Variants in PMS1 observed in about 807,000 individuals in gnomAD.
PMS1 encodes PMS1 homolog 1, mismatch repair system component.
Under a neutral mutation model 93.1 loss-of-function variants are expected in PMS1, and 79 were observed. The observed-to-expected ratio is 0.85, with a 90% CI of 0.71 to 1.02. The LOEUF is 1.02. Among genes scored for constraint, PMS1 ranks in the 50% least tolerant of loss-of-function variants. The pLI is 0.00. For synonymous variants in PMS1, 335 were observed against 363.4 expected (o/e 0.92, Z 0.89); for missense variants, 1,064 against 1,085.3 (o/e 0.98, Z 0.28).
intron 1 of PMS1, among the ~76,000 whole-genome samples, chr2:189,790,605 T>G (rs762629655): frequency 1.3e-5 from 2 of 152,192 alleles, no homozygotes; most frequent in African/African-American, 4.8e-5. Context: ...TAATAATAAG[T>G]ATAATGTTTT....
At chr2:189,798,501 C>T (rs141288212) in intron 3 of PMS1, among the ~76,000 whole-genome samples, 11 of 152,296 alleles carry the variant, frequency 7.2e-5, no homozygotes, top group Admixed American at 1.3e-4. Context: ...CCTCAGCACT[C>T]GCTTTATTTG....
chr2:189,796,203 A>G (rs1011064277), intron 3 of PMS1, among the ~76,000 whole-genome samples: 3 of 152,122 alleles, frequency 2.0e-5, no homozygotes, highest in African/African-American at 7.2e-5. Flanking sequence ...TACTAAAAAT[A>G]CAAAATTAGC....
chr2:189,819,106 A>G (rs915021412), intron 5 of PMS1, among the ~76,000 whole-genome samples: 3 of 152,182 alleles, frequency 2.0e-5, no homozygotes, highest in Non-Finnish European at 2.9e-5. Context: ...ATGTCCATAC[A>G]TGTGGTTTAG....
intron 9 of PMS1, among the ~76,000 whole-genome samples, chr2:189,856,093 C>T (rs1196795882): frequency 1.3e-5 from 2 of 151,270 alleles, no homozygotes; most frequent in African/African-American, 2.4e-5. Context: ...TGATAAAGAC[C>T]ACTATTAACA....
At chr2:189,796,378 A>G (rs1043472176) in intron 3 of PMS1, among the ~76,000 whole-genome samples, 3 of 152,192 alleles carry the variant, frequency 2.0e-5, no homozygotes, top group Admixed American at 6.5e-5. Context: ...ATATATATAC[A>G]TAACATAAAA....
chr2:189,813,172 T>G lies in PMS1; in HGVS notation c.419-4845T>G, dbSNP rs561249727. ...ATAGACCTATAAGACTTATGCAATA[T>G]TGCAGTAAGAAGTAGAGGGAAGAAT... On this transcript the variant is annotated intron_variant, in intron 4 of 12. Transcript: ENST00000441310. Among the ~76,000 whole-genome samples the G allele has an allele frequency of 2.0e-5, 3 of 152,300 alleles. No individual in the cohort carries two copies. In the East Asian group the frequency reaches 5.8e-4, roughly 29 times the overall value.
intron 6 of PMS1, among the ~76,000 whole-genome samples, chr2:189,850,966 ATTTTTGTTATGC>A (rs2054646879): frequency 6.6e-6 from 1 of 152,132 alleles, no homozygotes; most frequent in Non-Finnish European, 1.5e-5. Context: ...TTTGCCTTCA[ATTTTTGTTATGC>A]TTTTTAGGAA....
At chr2:189,822,110 G>T (rs1262432234) in intron 5 of PMS1, among the ~76,000 whole-genome samples, 1 of 152,212 alleles carries the variant, frequency 6.6e-6, no homozygotes, top group African/African-American at 2.4e-5. Flanking sequence ...CAGAGGCAGG[G>T]TGGAGGCGTT....
At chr2:189,806,449 C>T in intron 4 of PMS1, 1 of 313,872 alleles carries the variant, frequency 3.2e-6, no homozygotes, top group Non-Finnish European at 6.2e-6. Context: ...ACAGGCTGGA[C>T]TGCAGTGGCA....
chr2:189,852,809 A>C, intron 7 of PMS1, 32 bp downstream of exon 7: 3 of 1,423,518 alleles, frequency 2.1e-6, no homozygotes, highest in Non-Finnish European at 2.0e-6. Flanking sequence ...AAATTATTTG[A>C]ATTGGAAATT....
chr2:189,802,181 C>T (rs540663867), intron 3 of PMS1, among the ~76,000 whole-genome samples: 2 of 152,252 alleles, frequency 1.3e-5, no homozygotes, highest in African/African-American at 4.8e-5. Context: ...GCAGTTGACC[C>T]TTGAACATCA....
intron 9 of PMS1, among the ~76,000 whole-genome samples, chr2:189,856,321 CTTTG>C (rs1054513746): frequency 2.6e-5 from 4 of 151,884 alleles, no homozygotes; most frequent in Admixed American, 6.6e-5. Flanking sequence ...CTTTCTTTCC[CTTTG>C]TTTATTATTC....
chr2:189,827,370 TAA>T (rs1278671745), intron 5 of PMS1, among the ~76,000 whole-genome samples: 1 of 152,256 alleles, frequency 6.6e-6, no homozygotes, highest in Non-Finnish European at 1.5e-5. Flanking sequence ...ACATGATCTC[TAA>T]GGCCCTTTTT....
intron 3 of PMS1, among the ~76,000 whole-genome samples, chr2:189,797,020 C>T (rs1176537099): frequency 6.6e-6 from 1 of 152,112 alleles, no homozygotes; most frequent in African/African-American, 2.4e-5. Flanking sequence ...CTTCTCAGAG[C>T]CTTTACTATA....
rs573867813 is a variant in PMS1, at chr2:189,866,850, C to G, written c.2343-949C>G. Among the ~76,000 whole-genome samples, 13 of 152,286 alleles carry G rather than the reference C, an allele frequency of 8.5e-5. No individual in the cohort carries two copies. The South Asian group carries it at 2.1e-3, about 24-fold the overall frequency. On this transcript the variant is annotated intron_variant, in intron 10 of 12. Coordinates refer to ENST00000441310, the MANE Select transcript of PMS1 (RefSeq NM_000534.5). ...CAATCTAGACAGTTTAACTGTGGAG[C>G]CTGCACCATTAATTGCTATACAGTA...
At chr2:189,865,254 C>T (rs1361803209) in intron 10 of PMS1, among the ~76,000 whole-genome samples, 2 of 151,802 alleles carry the variant, frequency 1.3e-5, no homozygotes, top group Non-Finnish European at 2.9e-5. Context: ...ATTTGGTTAT[C>T]TTGTTTATAT....
intron 4 of PMS1, among the ~76,000 whole-genome samples, chr2:189,814,959 C>T (rs888518194): frequency 1.3e-5 from 2 of 151,986 alleles, no homozygotes; most frequent in African/African-American, 4.8e-5. Flanking sequence ...ATTAGCCAGG[C>T]GGGCTGGCAG....
At chr2:189,852,307 G>A (rs2054824430) in intron 6 of PMS1, among the ~76,000 whole-genome samples, 1 of 152,278 alleles carries the variant, frequency 6.6e-6, no homozygotes, top group South Asian at 2.1e-4. Flanking sequence ...AAGTCACAAT[G>A]TGAGGAAAGA....
chr2:189,874,011 T>C (rs2057361656), intron 12 of PMS1, among the ~76,000 whole-genome samples: 1 of 152,148 alleles, frequency 6.6e-6, no homozygotes, highest in Non-Finnish European at 1.5e-5. Flanking sequence ...GGCCAGACTT[T>C]AAGATACTTA....
Sources: gnomAD v4.1 joint callset for allele counts (sites outside exome capture counted in the v4.1 genomes callset) on GRCh38, gnomAD v4.1.1 for gene constraint, MANE v1.5 for transcripts, NCBI Gene and HGNC (gene_info 2026-07-23, HGNC 2026-07-21) for gene names.